Variants in COLEC12 observed in about 807,000 individuals in gnomAD.
The protein encoded by COLEC12 is collectin subfamily member 12.
Under a neutral mutation model 71.1 loss-of-function variants are expected in COLEC12, and 33 were observed. The ratio of observed to expected loss-of-function variants is 0.46; its 90% confidence interval spans 0.35 to 0.62. COLEC12 has a LOEUF of 0.62. Ranked by LOEUF, COLEC12 falls within the 20% of genes least tolerant of loss-of-function variation. The probability of loss-of-function intolerance (pLI) is 0.00; values close to 1 mark genes in which losing one functional copy is unlikely to be tolerated. For missense variants in COLEC12, 765 were observed against 916.1 expected, an observed-to-expected ratio of 0.84 and a Z score of 2.13; for synonymous variants, 350 against 353.0, an observed-to-expected ratio of 0.99 and a Z score of 0.10.
intron 3 of COLEC12, among the ~76,000 whole-genome samples, chr18:353,191 C>T (rs747641043): frequency 6.6e-6 from 1 of 152,190 alleles, no homozygotes; most frequent in African/African-American, 2.4e-5. Flanking sequence ...CCATTGTACT[C>T]AGCCACACCT....
At chr18:368,647 G>A (rs549616278) in intron 2 of COLEC12, among the ~76,000 whole-genome samples, 32 of 152,172 alleles carry the variant, frequency 2.1e-4, no homozygotes, top group South Asian at 6.2e-4. Context: ...GGCGGATCAT[G>A]AGGTCAGGAG....
chr18:487,878 T>C (rs1197346945), intron 1 of COLEC12, among the ~76,000 whole-genome samples: 5 of 152,176 alleles, frequency 3.3e-5, no homozygotes, highest in Non-Finnish European at 5.9e-5. Context: ...AAGTTTCCAA[T>C]TGACCTGTGT....
intron 7 of COLEC12, among the ~76,000 whole-genome samples, chr18:332,259 G>A (rs118162784): frequency 1.3e-5 from 2 of 152,224 alleles, no homozygotes; most frequent in South Asian, 2.1e-4. Context: ...TAAAGCCCAG[G>A]TGCTTGGTCA....
intron 2 of COLEC12, among the ~76,000 whole-genome samples, chr18:438,367 T>C (rs961155870): frequency 1.3e-5 from 2 of 152,220 alleles, no homozygotes; most frequent in African/African-American, 2.4e-5. Flanking sequence ...ATACTCTATA[T>C]TTCTGCCAAC....
chr18:423,001 T>C (rs1331450400), intron 2 of COLEC12, among the ~76,000 whole-genome samples: 1 of 152,256 alleles, frequency 6.6e-6, no homozygotes, highest in African/African-American at 2.4e-5. Flanking sequence ...CTGGGTACAG[T>C]GGCTTACGCC....
At chr18:386,744 A>G (rs1055317544) in intron 2 of COLEC12, among the ~76,000 whole-genome samples, 2 of 152,252 alleles carry the variant, frequency 1.3e-5, no homozygotes, top group Admixed American at 1.3e-4. Flanking sequence ...TGAGAGCCTC[A>G]GTTTTCTCAC....
chr18:355,590 G>A (rs1914614032), intron 3 of COLEC12, among the ~76,000 whole-genome samples: 1 of 152,124 alleles, frequency 6.6e-6, no homozygotes, highest in Admixed American at 6.5e-5. Flanking sequence ...CCTAGCACAG[G>A]TAAAAATTAC....
At chr18:363,508 G>A (rs971450679) in intron 2 of COLEC12, among the ~76,000 whole-genome samples, 4 of 152,122 alleles carry the variant, frequency 2.6e-5, no homozygotes, top group African/African-American at 7.2e-5. Flanking sequence ...TCTGAGATTC[G>A]CAGTGAACTT....
chr18:434,917 C>T (rs1014089644), intron 2 of COLEC12, among the ~76,000 whole-genome samples: 3 of 152,172 alleles, frequency 2.0e-5, no homozygotes, highest in Non-Finnish European at 4.4e-5. Context: ...AACCACTTGC[C>T]ATTCCCAGAA....
At chr18:409,927 T>C (rs1377874944) in intron 2 of COLEC12, among the ~76,000 whole-genome samples, 1 of 152,188 alleles carries the variant, frequency 6.6e-6, no homozygotes. Context: ...CTGAGGCATG[T>C]GGCGGGGAGA....
At chr18:426,525 G>T (rs4797147) in intron 2 of COLEC12, among the ~76,000 whole-genome samples, 1 of 152,024 alleles carries the variant, frequency 6.6e-6, no homozygotes, top group Non-Finnish European at 1.5e-5. Context: ...GCATCTACTA[G>T]GTAAATTCAC....
At chr18:420,593 C>T (rs770696975) in intron 2 of COLEC12, among the ~76,000 whole-genome samples, 4 of 152,226 alleles carry the variant, frequency 2.6e-5, no homozygotes, top group East Asian at 1.9e-4. Flanking sequence ...AGAGGTTAAA[C>T]GCCTGACTGG....
intron 2 of COLEC12, among the ~76,000 whole-genome samples, chr18:463,075 G>A (rs556294743): frequency 6.6e-6 from 1 of 152,314 alleles, no homozygotes; most frequent in East Asian, 1.9e-4. Context: ...AGCCCAGGCT[G>A]AAACCGAGAG....
rs72859257 is a variant in COLEC12, at chr18:379,936, T to C, written c.59-22414A>G. Reference sequence around the variant, plus strand: ...CCACAAAGGAGAAGATGAAGCTGTATTTCCGGAGGAAAGCAAAGATTTCTA... The same window carrying C: ...CCACAAAGGAGAAGATGAAGCTGTACTTCCGGAGGAAAGCAAAGATTTCTA... On this transcript the variant is annotated intron_variant, in intron 2 of 9. Transcript: ENST00000400256. Among the ~76,000 whole-genome samples the C allele has an allele frequency of 4.4e-3, 663 of 152,274 alleles. 1 individual carries two copies. Among genetic ancestry groups the C allele is most frequent in the Non-Finnish European group, 7.7e-3 (523 of 68,020 alleles).
At position 319,363 on chromosome 18, in the gene COLEC12, T is replaced by C. The variant is rs1335750612; in HGVS notation, c.*682A>G. 12 of 99,952 alleles carry C rather than the reference T, an allele frequency of 1.2e-4. No individual in the cohort carries two copies. The highest frequency in any genetic ancestry group is 7.2e-3 in the Middle Eastern group (1 of 138). 6.2% of individuals were successfully genotyped at this position (99,952 alleles called of 1,614,324 possible). On this transcript the variant is annotated 3_prime_UTR_variant, in exon 10 of 10. Coordinates refer to ENST00000400256, the MANE Select transcript of COLEC12 (RefSeq NM_130386.3). ...AAAAATATATATATATATATATATA[T>C]ACACATGTATATTTAATTATTTTTT...
intron 2 of COLEC12, among the ~76,000 whole-genome samples, chr18:445,103 GAACATAT>G (rs1424428740): frequency 6.6e-6 from 1 of 152,162 alleles, no homozygotes; most frequent in African/African-American, 2.4e-5. Flanking sequence ...ACTCTGGGGT[GAACATAT>G]AATAAAGTAA....
At chr18:420,536 T>C (rs1487522054) in intron 2 of COLEC12, among the ~76,000 whole-genome samples, 1 of 152,042 alleles carries the variant, frequency 6.6e-6, no homozygotes, top group Non-Finnish European at 1.5e-5. Flanking sequence ...GATAAAAAAT[T>C]TTCTAGGTAA....
chr18:347,420 T>A, intron 4 of COLEC12, 79 bp from the exon 5 acceptor site: 1 of 1,179,936 alleles, frequency 8.5e-7, no homozygotes, highest in Non-Finnish European at 1.2e-6. Flanking sequence ...CGAACACACT[T>A]AATCGGTATG....
chr18:322,472 C>T (rs1446866193), intron 8 of COLEC12, among the ~76,000 whole-genome samples: 1 of 152,168 alleles, frequency 6.6e-6, no homozygotes, highest in East Asian at 1.9e-4. Context: ...TTCTTAAAAA[C>T]AAGTTTTCTT....
Sources: allele counts gnomAD v4.1 joint callset (sites outside exome capture counted in the v4.1 genomes callset), GRCh38; gene constraint gnomAD v4.1.1; transcripts MANE v1.5; gene names NCBI Gene and HGNC (gene_info 2026-07-23, HGNC 2026-07-21).